HDAC1: variants seen among roughly 807,000 people sequenced by gnomAD.
HDAC1 encodes the protein protein deacetylase HDAC1.
Under a neutral mutation model 65.5 loss-of-function variants are expected in HDAC1, and 18 were observed. The ratio of observed to expected loss-of-function variants is 0.27; its 90% CI spans 0.19 to 0.41. The LOEUF (loss-of-function observed/expected upper bound fraction) is 0.41. Among genes scored for constraint, HDAC1 ranks in the 10% least tolerant of loss-of-function variants. The probability of loss-of-function intolerance (pLI) is 1.00; values close to 1 mark genes in which losing one functional copy is unlikely to be tolerated. For missense variants in HDAC1, 373 were observed against 625.2 expected (o/e 0.60, Z 4.30); for synonymous variants, 211 against 227.9 (o/e 0.93, Z 0.67).
intron 1 of HDAC1, among the ~76,000 whole-genome samples, chr1:32,298,856 G>C (rs1192813496): frequency 6.6e-6 from 1 of 152,066 alleles, no homozygotes; most frequent in Admixed American, 6.6e-5. Flanking sequence ...AACTTAGCCA[G>C]GCGTGGTGGC....
chr1:32,296,336 A>G (rs1640766294), intron 1 of HDAC1, among the ~76,000 whole-genome samples: 1 of 152,138 alleles, frequency 6.6e-6, no homozygotes, highest in South Asian at 2.1e-4. Flanking sequence ...ATTGCAGTAC[A>G]TGGATGGCTA....
At chr1:32,316,265 CAG>C (rs1205150490) in intron 2 of HDAC1, among the ~76,000 whole-genome samples, 13 of 142,892 alleles carry the variant, frequency 9.1e-5, no homozygotes, top group Middle Eastern at 3.5e-3. Context: ...GCCTGGGAGA[CAG>C]AGCGAGACTC....
intron 3 of HDAC1, among the ~76,000 whole-genome samples, chr1:32,321,758 C>T (rs955927272): frequency 2.0e-5 from 3 of 151,962 alleles, no homozygotes; most frequent in African/African-American, 7.3e-5. Flanking sequence ...TCCAAAACAC[C>T]CATTCCTTCC....
chr1:32,330,944 TG>T lies in HDAC1; in HGVS notation c.979+39del. 1 of 1,611,712 alleles carries T rather than the reference TG, an allele frequency of 6.2e-7. No homozygotes were observed. Among genetic ancestry groups the T allele is most frequent in the Non-Finnish European group, 8.5e-7 (1 of 1,178,024 alleles). On this transcript the variant is annotated intron_variant, in intron 9 of 13. Coordinates refer to ENST00000373548, the MANE Select transcript of HDAC1 (RefSeq NM_004964.3). The surrounding 1 kb of genome is among the most constrained non-coding windows in gnomAD (Gnocchi z 4.2). ...CAGGGCCAGGTTCGGCTGGGCTGGG[TG>T]GGAGCTGGAGCTCATCTGTCCTTAA...
intron 2 of HDAC1, among the ~76,000 whole-genome samples, chr1:32,306,917 T>G (rs1640918261): frequency 6.6e-6 from 1 of 152,180 alleles, no homozygotes; most frequent in South Asian, 2.1e-4. Context: ...CTAGGACAAT[T>G]ATAGCAATAA....
At position 32,296,279 on chromosome 1, in the gene HDAC1, T is replaced by C. The variant is rs1417071155; in HGVS notation, c.49+4061T>C. On this transcript the variant is annotated intron_variant, in intron 1 of 13. Coordinates refer to ENST00000373548, the MANE Select transcript of HDAC1 (RefSeq NM_004964.3). ...TTGCAGAAGCTAAAGAAGGGAGGGATTGGGCAAGTGTTGGCGGCAACTGGG... is the reference window on the plus strand; with the variant it reads ...TTGCAGAAGCTAAAGAAGGGAGGGACTGGGCAAGTGTTGGCGGCAACTGGG... Among the ~76,000 whole-genome samples, 3 of 152,004 alleles carry C rather than the reference T, an allele frequency of 2.0e-5. No homozygotes were observed. In the East Asian group the frequency reaches 5.8e-4, roughly 29 times the overall value.
chr1:32,296,221 G>A (rs1189554067), intron 1 of HDAC1, among the ~76,000 whole-genome samples: 6 of 152,148 alleles, frequency 3.9e-5, no homozygotes, highest in African/African-American at 1.4e-4. Context: ...AGAGTGAGGG[G>A]CCGGAGAGGT....
chr1:32,326,997 C>T lies in HDAC1; in HGVS notation c.414C>T (p.Gly138=), dbSNP rs951005325. 6.2e-7 allele frequency: 1 copy of T among 1,614,054 alleles called. No homozygotes were observed. Among genetic ancestry groups the T allele is most frequent in the Non-Finnish European group, 8.5e-7 (1 of 1,179,968 alleles). ...ACATCGCTGTGAATTGGGCTGGGGGCCTGCACCATGCAAAGAAGTCCGAGG... is the reference window on the plus strand; with the variant it reads ...ACATCGCTGTGAATTGGGCTGGGGGTCTGCACCATGCAAAGAAGTCCGAGG... ...QTDIAVNWAG[G]LHHAKKSEAS... is the part of the protein sequence containing the mutation. Residue 138 remains glycine, a synonymous_variant, in exon 5 of 14, where the codon GGC becomes GGT. Transcript: ENST00000373548.
chr1:32,307,726 G>T (rs1035869465), intron 2 of HDAC1, among the ~76,000 whole-genome samples: 3 of 152,172 alleles, frequency 2.0e-5, no homozygotes, highest in Admixed American at 2.0e-4. Context: ...AGAGGGCACT[G>T]CTGTATTCTT....
chr1:32,331,656 C>G lies in HDAC1; in HGVS notation c.1089-20C>G. On this transcript the variant is annotated intron_variant, in intron 10 of 13. Transcript: ENST00000373548. This position sits in a 1 kb window ranked among gnomAD's most constrained non-coding sequence, Gnocchi z 4.2. ...TTTGTCCCTGACCAGAGCCCTGCTA[C>G]TCTCTCCCATTGGCCACAGACAGCG... 4 of 1,613,366 alleles carry G rather than the reference C, an allele frequency of 2.5e-6. No homozygotes were observed. Among genetic ancestry groups the G allele is most frequent in the Non-Finnish European group, 3.4e-6 (4 of 1,179,466 alleles).
In HDAC1 at chr1:32,327,365, G is replaced by T; in HGVS notation, c.495-171G>T. 1.5e-6 allele frequency: 1 copy of T among 655,622 alleles called. No individual in the cohort carries two copies. The highest frequency in any genetic ancestry group is 2.6e-5 in the East Asian group (1 of 38,180). 40.6% of individuals were successfully genotyped at this position (655,622 alleles called of 1,614,324 possible). On this transcript the variant is annotated intron_variant, in intron 5 of 13. Coordinates refer to ENST00000373548, the MANE Select transcript of HDAC1 (RefSeq NM_004964.3). The surrounding 1 kb of genome is among the most constrained non-coding windows in gnomAD (Gnocchi z 6.0). ...AGATCGGACTTGGTCGGCTTGGTCA[G>T]GCCTCTGGAGACACCCGGCCGCTCT... is the stretch of plus-strand genomic sequence containing the variant.
At chr1:32,320,352 G>A (rs1381169510) in intron 3 of HDAC1, among the ~76,000 whole-genome samples, 1 of 152,072 alleles carries the variant, frequency 6.6e-6, no homozygotes, top group Admixed American at 6.5e-5. Flanking sequence ...ACCCTTTCTG[G>A]TCACTTTGAG....
At chr1:32,309,606 G>C (rs1640961224) in intron 2 of HDAC1, among the ~76,000 whole-genome samples, 1 of 148,934 alleles carries the variant, frequency 6.7e-6, no homozygotes, top group Admixed American at 6.8e-5. Context: ...AAAATCGCTT[G>C]AACCTGGGTG....
chr1:32,323,405 A>T (rs931693330), intron 3 of HDAC1, among the ~76,000 whole-genome samples: 3 of 151,504 alleles, frequency 2.0e-5, no homozygotes, highest in Non-Finnish European at 2.9e-5. Flanking sequence ...TTATTTATTT[A>T]TTTTTTTGAG....
At chr1:32,318,921 C>T (rs539765851) in intron 3 of HDAC1, among the ~76,000 whole-genome samples, 12 of 152,266 alleles carry the variant, frequency 7.9e-5, no homozygotes. Context: ...GAGTTTGAGA[C>T]CAGCCTGGCC....
rs16834958 is a variant in HDAC1, at chr1:32,331,640, G to C, written c.1089-36G>C. On this transcript the variant is annotated intron_variant, in intron 10 of 13. Transcript: ENST00000373548. This position sits in a 1 kb window ranked among gnomAD's most constrained non-coding sequence, Gnocchi z 4.2. ...ACATTCCTGACTTTGGTTTGTCCCTGACCAGAGCCCTGCTACTCTCTCCCA... is the reference window on the plus strand; with the variant it reads ...ACATTCCTGACTTTGGTTTGTCCCTCACCAGAGCCCTGCTACTCTCTCCCA... The C allele has an allele frequency of 3.3e-3, 5,390 of 1,613,536 alleles. 178 individuals are homozygous for C. The African/African-American group carries it at 0.063, about 19-fold the overall frequency.
chr1:32,326,048 A>G (rs995108347), intron 4 of HDAC1, among the ~76,000 whole-genome samples: 1 of 151,892 alleles, frequency 6.6e-6, no homozygotes, highest in Non-Finnish European at 1.5e-5. Context: ...ACAAATTAAC[A>G]CTGCCACAAA....
intron 11 of HDAC1, 38 bp from the exon 12 acceptor site, chr1:32,332,042 AATCAGCACCC>A (rs1474518801): frequency 1.3e-6 from 2 of 1,509,044 alleles, no homozygotes; most frequent in Non-Finnish European, 1.8e-6. Flanking sequence ...TGCTGAGCTA[AATCAGCACCC>A]GCCTGCCCTC....
At chr1:32,292,297 T>TGGGAGGCTGC in intron 1 of HDAC1, 79 bp downstream of exon 1, 4 of 1,537,984 alleles carry the variant, frequency 2.6e-6, no homozygotes, top group Non-Finnish European at 3.5e-6. Context: ...GGAGCGCCGA[T>TGGGAGGCTGC]GGGAGGCTGC....
Sources: gnomAD v4.1 joint callset for allele counts (sites outside exome capture counted in the v4.1 genomes callset) on GRCh38, gnomAD v4.1.1 for gene constraint, Gnocchi (gnomAD v3.1) non-coding constraint, MANE v1.5 for transcripts, NCBI Gene and HGNC (gene_info 2026-07-23, HGNC 2026-07-21) for gene names.